Variants in GRAMD2B observed in about 807,000 individuals in gnomAD.
GRAMD2B encodes GRAM domain containing 2B, also known as GRAM domain-containing protein 2B.
GRAMD2B carries 41 observed loss-of-function variants against 59.2 expected under a neutral mutation model. The observed-to-expected ratio is 0.69, with a 90% confidence interval of 0.54 to 0.90. GRAMD2B has a LOEUF of 0.90. GRAMD2B is among the 40% of genes least tolerant of loss of function. The probability of loss-of-function intolerance (pLI) is 0.00; values close to 1 mark genes in which losing one functional copy is unlikely to be tolerated. For missense variants in GRAMD2B, 424 were observed against 500.5 expected (o/e 0.85, Z 1.46); for synonymous variants, 161 against 182.7 (o/e 0.88, Z 0.96).
intron 5 of GRAMD2B, among the ~76,000 whole-genome samples, chr5:126,476,309 A>C (rs1313020287): frequency 6.6e-5 from 10 of 152,206 alleles, no homozygotes; most frequent in Non-Finnish European, 2.9e-5. Context: ...TCAAGCTGGC[A>C]GTACTTACAT....
In GRAMD2B at chr5:126,480,752, T is replaced by A. The variant is rs530708273; in HGVS notation, c.735+45T>A. 1.9e-5 allele frequency: 28 copies of A among 1,507,346 alleles called. No homozygotes were observed. The East Asian group carries it at 4.5e-4, about 24-fold the overall frequency. The allele number at this position is 1,507,346 out of a possible 1,614,324, so 93.4% of individuals were successfully genotyped here. On this transcript the variant is annotated intron_variant, in intron 8 of 13. Coordinates refer to ENST00000285689, the MANE Select transcript of GRAMD2B (RefSeq NM_023927.4). The stretch of plus-strand genomic sequence containing the variant: ...ATCTAAATGCAAAAGAAAGGGAATA[T>A]GTCCCACAATTACACTTGTGCTTAC...
intron 1 of GRAMD2B, among the ~76,000 whole-genome samples, chr5:126,428,415 T>A (rs778009748): frequency 7.9e-5 from 12 of 151,230 alleles, no homozygotes; most frequent in South Asian, 2.1e-4. Context: ...AATAGAGGAG[T>A]TTTTAAAAAT....
intron 1 of GRAMD2B, among the ~76,000 whole-genome samples, chr5:126,425,075 C>T (rs1760365347): frequency 6.6e-6 from 1 of 152,200 alleles, no homozygotes; most frequent in African/African-American, 2.4e-5. Flanking sequence ...CCACACAGAC[C>T]ATTGCAACCT....
At chr5:126,416,517 G>A (rs192170929) in intron 1 of GRAMD2B, among the ~76,000 whole-genome samples, 1 of 152,120 alleles carries the variant, frequency 6.6e-6, no homozygotes, top group South Asian at 2.1e-4. Context: ...ACACAGGAAC[G>A]AACATGACCA....
intron 1 of GRAMD2B, among the ~76,000 whole-genome samples, chr5:126,377,514 C>T (rs959210475): frequency 1.3e-5 from 2 of 152,204 alleles, no homozygotes; most frequent in Non-Finnish European, 2.9e-5. Flanking sequence ...TCTTTCCACT[C>T]CTATTTTTCC....
chr5:126,461,597 C>T lies in GRAMD2B; in HGVS notation c.84-3829C>T, dbSNP rs550951376. Among the ~76,000 whole-genome samples, 4 of 152,170 alleles carry T rather than the reference C, an allele frequency of 2.6e-5. No homozygotes were observed. In the South Asian group the frequency reaches 8.3e-4, roughly 32 times the overall value. ...GGTGGATCACTTGAGGCCAGGAGTT[C>T]GAGACCAGCCTGGCCAACACAGCGA... is the stretch of plus-strand genomic sequence containing the variant. On this transcript the variant is annotated intron_variant, in intron 1 of 13. Coordinates refer to ENST00000285689, the MANE Select transcript of GRAMD2B (RefSeq NM_023927.4).
chr5:126,393,522 C>T lies in GRAMD2B; in HGVS notation c.125+21955C>T, dbSNP rs374627457. On this transcript the variant is annotated intron_variant, in intron 1 of 8. Coordinates refer to the GRAMD2B transcript ENST00000506445. Reference sequence around the variant, plus strand: ...TAGCAGCAGCATTTAAATACTACAACATTTCAAAAATCTTCAAAGTTCCAC... The same window carrying T: ...TAGCAGCAGCATTTAAATACTACAATATTTCAAAAATCTTCAAAGTTCCAC... Among the ~76,000 whole-genome samples, 29 of 152,270 alleles carry T rather than the reference C, an allele frequency of 1.9e-4. No homozygotes were observed. In the East Asian group the frequency reaches 4.8e-3, roughly 25 times the overall value.
intron 1 of GRAMD2B, among the ~76,000 whole-genome samples, chr5:126,408,150 G>A (rs1758423947): frequency 6.6e-6 from 1 of 151,866 alleles, no homozygotes; most frequent in South Asian, 2.1e-4. Flanking sequence ...CCATCTTTAT[G>A]TCCATAAGTA....
chr5:126,409,954 C>CCCTAAATAGGGAATCCTTTCT (rs1451496310), intron 1 of GRAMD2B, among the ~76,000 whole-genome samples: 3 of 151,044 alleles, frequency 2.0e-5, no homozygotes, highest in Admixed American at 1.3e-4. Context: ...GAATCCTTTC[C>CCCTAAATAGGGAATCCTTTCT]CCATTGCTTG....
At chr5:126,488,199 C>T (rs1487370043) in intron 12 of GRAMD2B, among the ~76,000 whole-genome samples, 1 of 152,184 alleles carries the variant, frequency 6.6e-6, no homozygotes, top group Non-Finnish European at 1.5e-5. Flanking sequence ...TGGATTCATA[C>T]TCTGCCCTTA....
upstream of GRAMD2B, chr5:126,423,363 ACCCTCCCCTT>A: frequency 7.5e-7 from 1 of 1,328,644 alleles, no homozygotes; most frequent in Admixed American, 4.2e-5. Context: ...CTTCGCTTCG[ACCCTCCCCTT>A]CCCTCCCTCT....
chr5:126,391,334 A>AAAAAAAAAAAAAAAAC, intron 1 of GRAMD2B, among the ~76,000 whole-genome samples: 1 of 149,940 alleles, frequency 6.7e-6, no homozygotes, highest in East Asian at 1.9e-4. Context: ...AAAAAAAAAA[A>AAAAAAAAAAAAAAAAC]AAAAAACTTG....
At chr5:126,373,932 G>A (rs1237155895) in intron 1 of GRAMD2B, among the ~76,000 whole-genome samples, 1 of 152,152 alleles carries the variant, frequency 6.6e-6, no homozygotes, top group Non-Finnish European at 1.5e-5. Flanking sequence ...TTCTAATTGT[G>A]GCAGGAAGCC....
intron 1 of GRAMD2B, among the ~76,000 whole-genome samples, chr5:126,391,868 A>C (rs1306493361): frequency 1.3e-5 from 2 of 152,170 alleles, no homozygotes; most frequent in African/African-American, 2.4e-5. Context: ...AATCACCCGA[A>C]TTTTACCCTT....
At chr5:126,452,376 G>A (rs781061027) in intron 1 of GRAMD2B, among the ~76,000 whole-genome samples, 94 of 152,026 alleles carry the variant, frequency 6.2e-4, no homozygotes, top group Non-Finnish European at 1.1e-3. Context: ...TCACCTCGGG[G>A]GTTAGAATTT....
chr5:126,478,776 C>A (rs1256842530), intron 6 of GRAMD2B, among the ~76,000 whole-genome samples: 1 of 152,098 alleles, frequency 6.6e-6, no homozygotes, highest in Non-Finnish European at 1.5e-5. Context: ...AGAACAAGAA[C>A]AACAAAACCA....
chr5:126,362,773 A>G (rs1027645129), intron 1 of GRAMD2B, among the ~76,000 whole-genome samples: 1 of 152,370 alleles, frequency 6.6e-6, no homozygotes, highest in South Asian at 2.1e-4. Flanking sequence ...TGCCAGGACA[A>G]TATTCTAAAG....
chr5:126,402,699 T>G (rs1308005594), intron 1 of GRAMD2B, among the ~76,000 whole-genome samples: 1 of 152,096 alleles, frequency 6.6e-6, no homozygotes, highest in African/African-American at 2.4e-5. Context: ...CAGTATCTAT[T>G]TATCTCACTT....
At chr5:126,492,554 A>T (rs1178814720) in intron 13 of GRAMD2B, among the ~76,000 whole-genome samples, 1 of 151,632 alleles carries the variant, frequency 6.6e-6, no homozygotes, top group African/African-American at 2.4e-5. Context: ...AACTCCATGT[A>T]TACAAAAAGT....
Sources: allele counts gnomAD v4.1 joint callset (sites outside exome capture counted in the v4.1 genomes callset), GRCh38; gene constraint gnomAD v4.1.1; transcripts MANE v1.5; gene names NCBI Gene and HGNC (gene_info 2026-07-23, HGNC 2026-07-21).